Variants in FBXO25 observed in about 807,000 individuals in gnomAD.
The protein encoded by FBXO25 is F-box protein 25.
A neutral mutation model predicts 51.9 loss-of-function variants in FBXO25; 45 were observed. The observed-to-expected ratio is 0.87, with a 90% confidence interval of 0.68 to 1.11. The LOEUF is 1.11. FBXO25 is among the 50% of genes most tolerant of loss of function. FBXO25 has a pLI of 0.00. For synonymous variants in FBXO25, 199 were observed against 151.0 expected, an observed-to-expected ratio of 1.32 and a Z score of -2.33; for missense variants, 507 against 428.5, an observed-to-expected ratio of 1.18 and a Z score of -1.62.
rs758317714 is a variant in FBXO25, at chr8:474,681, G to C, written c.*5877G>C. On this transcript the variant is annotated 3_prime_UTR_variant, in exon 10 of 10. Transcript: ENST00000350302. ...GTTTATATGTCGTCTTTGGAGAAAT[G>C]TCTATTTGGGCTCTTTGTCCATTTT... The C allele has an allele frequency of 4.4e-6, 2 of 451,380 alleles. No individual in the cohort carries two copies. The highest frequency in any genetic ancestry group is 6.6e-4 in the Middle Eastern group (2 of 3,038). 28.0% of individuals were successfully genotyped at this position (451,380 alleles called of 1,614,324 possible).
chr8:434,943 G>A (rs554234002), intron 4 of FBXO25, among the ~76,000 whole-genome samples: 7 of 152,190 alleles, frequency 4.6e-5, no homozygotes, highest in African/African-American at 1.4e-4. Context: ...GGTGTTTTGG[G>A]TTCTTGGCAT....
rs374817871 is a variant in FBXO25, at chr8:413,053, A to T, written c.-7-20A>T. The T allele has an allele frequency of 1.4e-6, 2 of 1,472,672 alleles. No homozygotes were observed. The highest frequency in any genetic ancestry group is 1.8e-6 in the Non-Finnish European group (2 of 1,111,078). The allele number at this position is 1,472,672 out of a possible 1,614,324, so 91.2% of individuals were successfully genotyped here. Reference sequence around the variant, plus strand: ...TTATGAATTATATATACTTTTTAACATAATTTAACTTTTTCATAGGAGAAC... The same window carrying T: ...TTATGAATTATATATACTTTTTAACTTAATTTAACTTTTTCATAGGAGAAC... On this transcript the variant is annotated intron_variant, in intron 1 of 9. Transcript: ENST00000350302.
intron 5 of FBXO25, among the ~76,000 whole-genome samples, chr8:448,625 A>G (rs1251065545): frequency 6.6e-6 from 1 of 152,240 alleles, no homozygotes; most frequent in Non-Finnish European, 1.5e-5. Flanking sequence ...ATGTCAGTGA[A>G]TCTCTGCAGC....
intron 2 of FBXO25, among the ~76,000 whole-genome samples, chr8:426,176 C>T (rs1018323259): frequency 1.3e-5 from 2 of 152,124 alleles, no homozygotes; most frequent in Non-Finnish European, 2.9e-5. Flanking sequence ...TTGCATCTGC[C>T]TCTAGTCATT....
chr8:452,586 G>C (rs1799165999), intron 7 of FBXO25, among the ~76,000 whole-genome samples: 1 of 152,232 alleles, frequency 6.6e-6, no homozygotes, highest in Non-Finnish European at 1.5e-5. Context: ...ACCTTCTGGG[G>C]AGAGAATAGG....
At chr8:433,633 C>G (rs1313577530) in intron 4 of FBXO25, among the ~76,000 whole-genome samples, 2 of 152,148 alleles carry the variant, frequency 1.3e-5, no homozygotes, top group Admixed American at 6.5e-5. Context: ...TGTTTCTTTA[C>G]TAGGATCCGG....
intron 1 of FBXO25, among the ~76,000 whole-genome samples, chr8:412,431 C>G (rs1796534511): frequency 6.6e-6 from 1 of 152,216 alleles, no homozygotes; most frequent in African/African-American, 2.4e-5. Context: ...GGTCAACATT[C>G]AGAAGCCTCC....
At chr8:452,686 C>G (rs1020549493) in intron 7 of FBXO25, among the ~76,000 whole-genome samples, 3 of 152,196 alleles carry the variant, frequency 2.0e-5, no homozygotes, top group African/African-American at 4.8e-5. Context: ...AGGAAGCAGC[C>G]TTTCTTGTCT....
At chr8:434,085 C>A (rs1294611308) in intron 4 of FBXO25, among the ~76,000 whole-genome samples, 2 of 152,142 alleles carry the variant, frequency 1.3e-5, no homozygotes, top group Admixed American at 6.5e-5. Context: ...TGGGGATGCT[C>A]CCTGGAATGC....
At chr8:452,423 G>GTATA (rs1799155536) in intron 7 of FBXO25, among the ~76,000 whole-genome samples, 1 of 151,950 alleles carries the variant, frequency 6.6e-6, no homozygotes, top group African/African-American at 2.4e-5. Flanking sequence ...CGTTCCCCAT[G>GTATA]CATAGGTGGG....
rs1800684521 is a variant in FBXO25 at position 477,686 on chromosome 8, C to G, written c.*8882C>G. 6.6e-6 allele frequency: 1 copy of G among 152,264 alleles called. No individual in the cohort carries two copies. Among genetic ancestry groups the G allele is most frequent in the Non-Finnish European group, 1.5e-5 (1 of 68,064 alleles). The allele number at this position is 152,264 out of a possible 1,614,324, so 9.4% of individuals were successfully genotyped here. A position where few individuals can be genotyped will look rare whatever the true frequency, so the allele number is the denominator to read the frequency against. The stretch of plus-strand genomic sequence containing the variant: ...GCCATGGGGCTCTCTTGCCACTTGG[C>G]AGTAGTGGCATGAAGCCGCCACCAG... On this transcript the variant is annotated 3_prime_UTR_variant, in exon 10 of 10. Transcript: ENST00000350302.
At chr8:444,132 T>C (rs1262793818) in intron 5 of FBXO25, among the ~76,000 whole-genome samples, 1 of 152,250 alleles carries the variant, frequency 6.6e-6, no homozygotes, top group Admixed American at 6.5e-5. Flanking sequence ...ATGGTGCCTT[T>C]CTAATAATCA....
intron 5 of FBXO25, among the ~76,000 whole-genome samples, chr8:448,006 G>T (rs1017450044): frequency 7.9e-5 from 12 of 151,842 alleles, no homozygotes. Flanking sequence ...AGATGTTTTG[G>T]GAAACACAAA....
At chr8:413,344 A>C in intron 2 of FBXO25, 131 bp downstream of exon 2, 1 of 1,343,202 alleles carries the variant, frequency 7.4e-7, no homozygotes. Context: ...TGAAGAGACA[A>C]GTTGTTTAGC....
At chr8:426,273 A>G (rs140964613) in intron 2 of FBXO25, among the ~76,000 whole-genome samples, 278 of 152,282 alleles carry the variant, frequency 1.8e-3, no homozygotes, top group African/African-American at 6.5e-3. Context: ...CATAAAAAAT[A>G]TGTGTGACTT....
Position 477,375 on chromosome 8 carries a change from T to A in FBXO25, c.*8571T>A, listed in dbSNP as rs1011509375. On this transcript the variant is annotated 3_prime_UTR_variant, in exon 10 of 10. Transcript: ENST00000350302. Reference sequence around the variant, plus strand: ...GGCTACTGCAGTCTCCTACTCTTACTGTAGAACTATCCATTTCTTCCTTTG... The same window carrying A: ...GGCTACTGCAGTCTCCTACTCTTACAGTAGAACTATCCATTTCTTCCTTTG... 5 of 152,266 alleles carry A rather than the reference T, an allele frequency of 3.3e-5. No homozygotes were observed. Among genetic ancestry groups the A allele is most frequent in the African/African-American group, 1.2e-4 (5 of 41,466 alleles). 9.4% of individuals were successfully genotyped at this position (152,266 alleles called of 1,614,324 possible).
intron 1 of FBXO25, among the ~76,000 whole-genome samples, chr8:411,313 T>C (rs968124010): frequency 1.3e-5 from 2 of 152,222 alleles, no homozygotes; most frequent in Non-Finnish European, 2.9e-5. Flanking sequence ...TTTCCTGAAA[T>C]ACATTTTTCT....
At chr8:455,294 G>C (rs1040425009) in intron 7 of FBXO25, among the ~76,000 whole-genome samples, 9 of 152,232 alleles carry the variant, frequency 5.9e-5, no homozygotes, top group African/African-American at 2.2e-4. Context: ...GCAGGGACCA[G>C]CCAGGTTGGA....
chr8:418,236 T>A (rs1796928123), intron 2 of FBXO25, among the ~76,000 whole-genome samples: 1 of 152,214 alleles, frequency 6.6e-6, no homozygotes, highest in African/African-American at 2.4e-5. Context: ...GCCTTGTCTT[T>A]GTAATTACTT....
Sources: allele counts gnomAD v4.1 joint callset (sites outside exome capture counted in the v4.1 genomes callset), GRCh38; gene constraint gnomAD v4.1.1; transcripts MANE v1.5; gene names NCBI Gene and HGNC (gene_info 2026-07-23, HGNC 2026-07-21).